ANO2: variants seen among roughly 807,000 people sequenced by gnomAD.
ANO2 encodes anoctamin-2.
In ANO2, 101 loss-of-function variants were observed where a neutral mutation model predicts 124.2. The ratio of observed to expected loss-of-function variants is 0.81; its 90% CI spans 0.69 to 0.96. The LOEUF is 0.96. Among genes scored for constraint, ANO2 ranks in the 40% least tolerant of loss-of-function variants. ANO2 has a pLI of 0.00. For synonymous variants in ANO2, 486 were observed against 482.5 expected (o/e 1.01, Z -0.09); for missense variants, 1,293 against 1,274.5 (o/e 1.01, Z -0.22).
At chr12:5,915,977 AT>A (rs1941352858) in intron 3 of ANO2, among the ~76,000 whole-genome samples, 1 of 152,258 alleles carries the variant, frequency 6.6e-6, no homozygotes, top group African/African-American at 2.4e-5. Context: ...CTGCTCATTC[AT>A]TAAAATAATG....
chr12:5,784,707 T>C (rs914246677), intron 10 of ANO2, among the ~76,000 whole-genome samples: 6 of 152,186 alleles, frequency 3.9e-5, no homozygotes, highest in Middle Eastern at 6.8e-3. Context: ...ACAAATTAAA[T>C]GAAAGAAGGG....
chr12:5,788,434 C>T (rs974205201), intron 10 of ANO2, among the ~76,000 whole-genome samples: 2 of 152,208 alleles, frequency 1.3e-5, no homozygotes, highest in Non-Finnish European at 2.9e-5. Context: ...ATCTAACTGC[C>T]CACCATCAGT....
chr12:5,706,764 G>C (rs1949626830), intron 14 of ANO2, among the ~76,000 whole-genome samples: 2 of 152,084 alleles, frequency 1.3e-5, no homozygotes, highest in Non-Finnish European at 2.9e-5. Flanking sequence ...AGCAGCACCT[G>C]GTATATAGTA....
intron 19 of ANO2, among the ~76,000 whole-genome samples, chr12:5,605,576 A>C (rs1391396389): frequency 6.6e-6 from 1 of 151,954 alleles, no homozygotes; most frequent in Non-Finnish European, 1.5e-5. Flanking sequence ...TTCACCAAAA[A>C]CCCACCTCTC....
intron 3 of ANO2, among the ~76,000 whole-genome samples, chr12:5,896,881 A>C (rs1939827737): frequency 6.6e-6 from 1 of 152,216 alleles, no homozygotes; most frequent in South Asian, 2.1e-4. Flanking sequence ...TGGAAGAAAA[A>C]AATTCCAGTT....
chr12:5,715,110 G>GA (rs368126161), intron 14 of ANO2, among the ~76,000 whole-genome samples: 13 of 148,512 alleles, frequency 8.8e-5, no homozygotes, highest in Non-Finnish European at 1.5e-4. Flanking sequence ...TTGTAAAGTT[G>GA]AAAAAAAAAA....
At position 5,575,878 on chromosome 12, in the gene ANO2, C is replaced by T. The variant is rs747591646; in HGVS notation, c.2577G>A (p.Thr859=). Residue 859 remains threonine, a synonymous_variant, in exon 23 of 25, where the codon ACG becomes ACA. Transcript: ENST00000682330. ...GGTCAAACTGTGAGTTTTCTGGCTG[C>T]GTCCCCTCCTTCAGCTGGCTGACGT... ...FFNVSQLKEG[T]QPENSQFDQE... 1.9e-5 allele frequency: 31 copies of T among 1,613,776 alleles called. No individual in the cohort carries two copies. Among genetic ancestry groups the T allele is most frequent in the Middle Eastern group, 1.6e-4 (1 of 6,084 alleles).
chr12:5,637,473 G>A (rs901241320), intron 15 of ANO2, among the ~76,000 whole-genome samples: 1 of 151,980 alleles, frequency 6.6e-6, no homozygotes, highest in African/African-American at 2.4e-5. Context: ...GAAGACGTGG[G>A]GAGATCAGCT....
intron 3 of ANO2, among the ~76,000 whole-genome samples, chr12:5,896,078 G>A (rs1227485383): frequency 6.6e-6 from 1 of 152,092 alleles, no homozygotes; most frequent in Non-Finnish European, 1.5e-5. Context: ...TGGGAGCTAA[G>A]CTATGAGGAC....
chr12:5,804,828 G>A (rs1272311813), intron 9 of ANO2, among the ~76,000 whole-genome samples: 1 of 152,154 alleles, frequency 6.6e-6, no homozygotes, highest in Non-Finnish European at 1.5e-5. Context: ...CTTGCTGTGT[G>A]TTCCTGGTCT....
intron 20 of ANO2, among the ~76,000 whole-genome samples, chr12:5,579,844 T>A (rs1942642386): frequency 1.3e-5 from 2 of 152,220 alleles, no homozygotes; most frequent in Admixed American, 6.5e-5. Flanking sequence ...CATTTGTGCA[T>A]AAGCATACAC....
chr12:5,604,411 T>A (rs952441780), intron 19 of ANO2, among the ~76,000 whole-genome samples: 1 of 152,206 alleles, frequency 6.6e-6, no homozygotes. Flanking sequence ...CTGGGACTGA[T>A]GGAGATCTGA....
intron 20 of ANO2, among the ~76,000 whole-genome samples, chr12:5,592,950 C>T (rs759896573): frequency 1.3e-5 from 2 of 152,144 alleles, no homozygotes; most frequent in Admixed American, 6.5e-5. Context: ...ATCTGGTCTC[C>T]GAGAGGAACC....
At chr12:5,641,579 C>T (rs141222394) in intron 15 of ANO2, among the ~76,000 whole-genome samples, 8 of 152,296 alleles carry the variant, frequency 5.3e-5, no homozygotes, top group East Asian at 3.9e-4. Flanking sequence ...TAAGCCTGGA[C>T]GAGCTTGAGC....
intron 10 of ANO2, among the ~76,000 whole-genome samples, chr12:5,754,675 A>C (rs923920342): frequency 2.0e-5 from 3 of 152,126 alleles, no homozygotes; most frequent in Non-Finnish European, 4.4e-5. Context: ...CTTGTTGATT[A>C]TATGGTTCTA....
At chr12:5,816,154 T>C (rs1254058454) in intron 7 of ANO2, among the ~76,000 whole-genome samples, 5 of 151,356 alleles carry the variant, frequency 3.3e-5, no homozygotes, top group Non-Finnish European at 5.9e-5. Context: ...CTCTCTCTTT[T>C]TTTTTTTTAA....
Position 5,582,078 on chromosome 12 carries a change from G to A in ANO2, c.2234-3560C>T, listed in dbSNP as rs377096907. Among the ~76,000 whole-genome samples, 8 of 152,304 alleles carry A rather than the reference G, an allele frequency of 5.3e-5. No homozygotes were observed. The East Asian group carries it at 7.7e-4, about 15-fold the overall frequency. On this transcript the variant is annotated intron_variant, in intron 20 of 24. Coordinates refer to ENST00000682330, the MANE Select transcript of ANO2 (RefSeq NM_001364791.2). ...TCACTTCAGAGGATACAATGATACC[G>A]GCTTTTGCCAACACCAAGATTTGTT... is the stretch of plus-strand genomic sequence containing the variant.
chr12:5,870,711 T>C (rs1955552761), intron 3 of ANO2, among the ~76,000 whole-genome samples: 1 of 152,208 alleles, frequency 6.6e-6, no homozygotes, highest in Admixed American at 6.5e-5. Flanking sequence ...CTTCTCATAT[T>C]CTAAAACTTG....
At chr12:5,648,401 A>T (rs1946749823) in intron 14 of ANO2, among the ~76,000 whole-genome samples, 1 of 152,174 alleles carries the variant, frequency 6.6e-6, no homozygotes, top group Non-Finnish European at 1.5e-5. Context: ...CACAAATCCA[A>T]ACATTTTGAG....
Sources: allele counts gnomAD v4.1 joint callset (sites outside exome capture counted in the v4.1 genomes callset), GRCh38; gene constraint gnomAD v4.1.1; transcripts MANE v1.5; gene names NCBI Gene and HGNC (gene_info 2026-07-23, HGNC 2026-07-21).